Variants in ADCY2 observed in about 807,000 individuals in gnomAD.
ADCY2 encodes adenylate cyclase 2.
ADCY2 carries 31 observed loss-of-function variants against 125.2 expected under a neutral mutation model. The ratio of observed to expected loss-of-function variants is 0.25; its 90% confidence interval spans 0.19 to 0.33. The LOEUF (loss-of-function observed/expected upper bound fraction) is 0.33. Ranked by LOEUF, ADCY2 falls within the 10% of genes least tolerant of loss-of-function variation. The pLI, the probability that ADCY2 is intolerant of heterozygous loss-of-function variation, is 1.00. For synonymous variants in ADCY2, 512 were observed against 548.4 expected, an observed-to-expected ratio of 0.93 and a Z score of 0.93; for missense variants, 904 against 1,418.2, an observed-to-expected ratio of 0.64 and a Z score of 5.82.
chr5:7,690,675 T>TC lies in ADCY2; in HGVS notation c.721-12dup, dbSNP rs755817965. ...TGTCTGAGAGACATTTGTTCCTCCT[T>TC]CCCCACCTTGTCCAGGAGCGGCTTC... On this transcript the variant is annotated splice_polypyrimidine_tract_variant and intron_variant, in intron 4 of 24. Coordinates refer to ENST00000338316, the MANE Select transcript of ADCY2 (RefSeq NM_020546.3). 4 of 1,548,074 alleles carry TC rather than the reference T, an allele frequency of 2.6e-6. No homozygotes were observed. Among genetic ancestry groups the TC allele is most frequent in the East Asian group, 4.7e-5 (2 of 42,348 alleles).
chr5:7,511,625 T>A (rs1191555585), intron 2 of ADCY2, among the ~76,000 whole-genome samples: 6 of 151,674 alleles, frequency 4.0e-5, no homozygotes, highest in Non-Finnish European at 8.8e-5. Context: ...AACGAGGGGT[T>A]TTTTAGATAG....
intron 2 of ADCY2, among the ~76,000 whole-genome samples, chr5:7,455,224 C>G (rs1465707238): frequency 1.3e-5 from 2 of 152,174 alleles, no homozygotes; most frequent in Non-Finnish European, 2.9e-5. Context: ...TAAGGCACCA[C>G]AGTTAGACTT....
intron 16 of ADCY2, among the ~76,000 whole-genome samples, chr5:7,762,586 T>C (rs112985447): frequency 0.012 from 1,816 of 152,356 alleles, 44 homozygotes; most frequent in African/African-American, 0.041. Flanking sequence ...CTGCTGAGGA[T>C]GTGAGTGAAA....
rs567304372 is a variant in ADCY2 at position 7,420,366 on chromosome 5, A to G, written c.408+5596A>G. Among the ~76,000 whole-genome samples the G allele has an allele frequency of 5.8e-4, 89 of 152,168 alleles. 1 individual carries two copies. The highest frequency in any genetic ancestry group is 9.4e-4 in the Non-Finnish European group (64 of 68,006). On this transcript the variant is annotated intron_variant, in intron 2 of 24. Coordinates refer to ENST00000338316, the MANE Select transcript of ADCY2 (RefSeq NM_020546.3). ...CAGTTTTGATCAGGAAAGAGGAGTA[A>G]TTTTTCAGTGTGTGCCCCTGAGAAA...
chr5:7,540,684 G>A (rs766572312), intron 3 of ADCY2, among the ~76,000 whole-genome samples: 103 of 152,292 alleles, frequency 6.8e-4, no homozygotes, highest in Non-Finnish European at 1.3e-3. Context: ...ACACACTGGT[G>A]AGCATTTCTC....
At chr5:7,534,119 T>C (rs1454005902) in intron 3 of ADCY2, among the ~76,000 whole-genome samples, 2 of 152,218 alleles carry the variant, frequency 1.3e-5, no homozygotes, top group Non-Finnish European at 2.9e-5. Flanking sequence ...TTGACTTGGC[T>C]TTCCTACCTC....
intron 3 of ADCY2, among the ~76,000 whole-genome samples, chr5:7,587,367 C>G (rs993564242): frequency 1.3e-5 from 2 of 152,166 alleles, no homozygotes; most frequent in African/African-American, 4.8e-5. Context: ...TGGCATCTTC[C>G]CTACTCTGTT....
chr5:7,757,067 A>G (rs1743015715), intron 15 of ADCY2, among the ~76,000 whole-genome samples: 1 of 152,188 alleles, frequency 6.6e-6, no homozygotes, highest in Non-Finnish European at 1.5e-5. Flanking sequence ...CTTGCCACAT[A>G]AATCAGCTGA....
At chr5:7,763,170 T>C (rs1040079681) in intron 16 of ADCY2, among the ~76,000 whole-genome samples, 2 of 152,000 alleles carry the variant, frequency 1.3e-5, no homozygotes, top group Non-Finnish European at 2.9e-5. Flanking sequence ...CTCGGCTCAC[T>C]GCAAGCTCCG....
At chr5:7,481,763 C>T (rs1289297071) in intron 2 of ADCY2, among the ~76,000 whole-genome samples, 1 of 128,314 alleles carries the variant, frequency 7.8e-6, no homozygotes, top group Admixed American at 8.6e-5. Flanking sequence ...GTCTCTTCAC[C>T]ATGCTGATTT....
chr5:7,665,646 CA>C (rs546737727), intron 4 of ADCY2, among the ~76,000 whole-genome samples: 15 of 151,964 alleles, frequency 9.9e-5, no homozygotes, highest in African/African-American at 3.6e-4. Context: ...GTCTTGAACC[CA>C]ACTGGTCTCT....
In ADCY2 at chr5:7,823,681, C is replaced by T. The variant is rs73048918; in HGVS notation, c.3123+2992C>T. On this transcript the variant is annotated intron_variant, in intron 24 of 24. Transcript: ENST00000338316. The stretch of plus-strand genomic sequence containing the variant: ...CCCCAGCACAACACCCGGAATATTC[C>T]GACGATTTATGGCAGTTTTTAATAT... Among the ~76,000 whole-genome samples, 428 of 152,220 alleles carry T rather than the reference C, an allele frequency of 2.8e-3. 1 individual carries two copies. Among genetic ancestry groups the T allele is most frequent in the African/African-American group, 9.3e-3 (387 of 41,534 alleles).
chr5:7,588,000 G>T (rs1736688027), intron 3 of ADCY2, among the ~76,000 whole-genome samples: 1 of 151,696 alleles, frequency 6.6e-6, no homozygotes, highest in South Asian at 2.1e-4. Context: ...GTAAGTATTA[G>T]AGAGACAGTA....
intron 4 of ADCY2, among the ~76,000 whole-genome samples, chr5:7,647,401 G>A (rs1474189982): frequency 6.6e-6 from 1 of 152,122 alleles, no homozygotes; most frequent in Non-Finnish European, 1.5e-5. Flanking sequence ...GAGACAAATT[G>A]CAGGTATCAG....
intron 18 of ADCY2, 26 bp downstream of exon 18, chr5:7,773,127 T>C: frequency 1.9e-6 from 3 of 1,610,214 alleles, no homozygotes; most frequent in Non-Finnish European, 2.5e-6. Flanking sequence ...TTCCTTCTCT[T>C]ACTATAGTTC....
intron 22 of ADCY2, among the ~76,000 whole-genome samples, chr5:7,812,809 C>T (rs1744987860): frequency 6.6e-6 from 1 of 152,174 alleles, no homozygotes; most frequent in Non-Finnish European, 1.5e-5. Context: ...ACTCGGGAGG[C>T]TGAGGCAGGA....
rs563058549 is a variant in ADCY2 at position 7,593,835 on chromosome 5, C to A, written c.571-32332C>A. On this transcript the variant is annotated intron_variant, in intron 3 of 24. Transcript: ENST00000338316. ...AAAAATAACATGACAGAGTGTCACA[C>A]TTCTGTAAGAAGAAAAGTAAAGCAG... Among the ~76,000 whole-genome samples the A allele has an allele frequency of 4.6e-5, 7 of 152,142 alleles. No homozygotes were observed. In the South Asian group the frequency reaches 1.5e-3, roughly 32 times the overall value.
In ADCY2 at chr5:7,626,187, T is replaced by C; in HGVS notation, c.591T>C (p.Ile197=). 6.2e-7 allele frequency: 1 copy of C among 1,614,008 alleles called. No individual in the cohort carries two copies. The highest frequency in any genetic ancestry group is 2.2e-5 in the East Asian group (1 of 44,882). ...LVWQILANVI[I]FICGNLAGAY... ...TTTAGATCCTGGCCAATGTGATCAT[T>C]TTCATCTGTGGGAACCTGGCGGGAG... The change falls in exon 4 of 25, where the codon ATT becomes ATC. Residue 197 remains isoleucine (I), a synonymous_variant. Coordinates refer to ENST00000338316, the MANE Select transcript of ADCY2 (RefSeq NM_020546.3).
intron 7 of ADCY2, among the ~76,000 whole-genome samples, chr5:7,700,566 G>A (rs953490668): frequency 6.6e-6 from 1 of 151,636 alleles, no homozygotes. Context: ...CCTTGTCTCA[G>A]GATTAAAGTA....
Sources: gnomAD v4.1 joint callset for allele counts (sites outside exome capture counted in the v4.1 genomes callset) on GRCh38, gnomAD v4.1.1 for gene constraint, MANE v1.5 for transcripts, NCBI Gene and HGNC (gene_info 2026-07-23, HGNC 2026-07-21) for gene names.